RAB3C: variants seen among roughly 807,000 people sequenced by gnomAD.
RAB3C encodes the protein RAB3C, member RAS oncogene family.
Under a neutral mutation model 26.4 loss-of-function variants are expected in RAB3C, and 17 were observed. The observed-to-expected ratio is 0.64, with a 90% confidence interval of 0.44 to 0.97. RAB3C has a LOEUF of 0.97. Among genes scored for constraint, RAB3C ranks in the 50% least tolerant of loss-of-function variants. The probability of loss-of-function intolerance (pLI) is 0.00; values close to 1 mark genes in which losing one functional copy is unlikely to be tolerated. For missense variants in RAB3C, 242 were observed against 281.9 expected (o/e 0.86, Z 1.01); for synonymous variants, 91 against 95.9 (o/e 0.95, Z 0.30).
intron 2 of RAB3C, among the ~76,000 whole-genome samples, chr5:58,677,029 G>A (rs529044037): frequency 9.2e-5 from 14 of 152,198 alleles, no homozygotes; most frequent in African/African-American, 2.9e-4. Context: ...TATCAGGAGC[G>A]TGCTCCCTCT....
intron 2 of RAB3C, among the ~76,000 whole-genome samples, chr5:58,710,245 C>T (rs1210555559): frequency 6.6e-6 from 1 of 151,690 alleles, no homozygotes; most frequent in Admixed American, 6.6e-5. Flanking sequence ...TAAATTGGAC[C>T]CACTTATAAA....
chr5:58,747,677 G>A (rs1412592771), intron 3 of RAB3C, among the ~76,000 whole-genome samples: 1 of 151,634 alleles, frequency 6.6e-6, no homozygotes, highest in Non-Finnish European at 1.5e-5. Context: ...ATACCAGGGC[G>A]CCAAACCACC....
At chr5:58,655,789 C>G (rs939127910) in intron 2 of RAB3C, among the ~76,000 whole-genome samples, 1 of 91,604 alleles carries the variant, frequency 1.1e-5, no homozygotes, top group African/African-American at 4.3e-5. Context: ...AAACCTAACT[C>G]TTTTTTTTTT....
chr5:58,777,055 C>A (rs1742158724), intron 3 of RAB3C, among the ~76,000 whole-genome samples: 1 of 152,096 alleles, frequency 6.6e-6, no homozygotes, highest in East Asian at 1.9e-4. Context: ...CTGAGTCTTC[C>A]AAAATAGAAA....
At chr5:58,651,146 C>A (rs1208024914) in intron 2 of RAB3C, among the ~76,000 whole-genome samples, 2 of 152,138 alleles carry the variant, frequency 1.3e-5, no homozygotes, top group Admixed American at 6.5e-5. Context: ...GCAGGATCAG[C>A]AATAGAAGTA....
At chr5:58,824,906 G>A (rs1275884292) in intron 3 of RAB3C, 132 bp from the exon 4 acceptor site, 4 of 615,708 alleles carry the variant, frequency 6.5e-6, no homozygotes, top group African/African-American at 2.0e-5. Context: ...AACTCTAAAT[G>A]TCAGGCATTT....
intron 2 of RAB3C, among the ~76,000 whole-genome samples, chr5:58,717,740 A>G (rs1357683785): frequency 1.3e-5 from 2 of 152,244 alleles, no homozygotes; most frequent in African/African-American, 2.4e-5. Context: ...GGAAACTCAC[A>G]TAATCTAGCC....
At chr5:58,850,906 A>G (rs1744099954) in intron 4 of RAB3C, among the ~76,000 whole-genome samples, 1 of 152,234 alleles carries the variant, frequency 6.6e-6, no homozygotes, top group Non-Finnish European at 1.5e-5. Flanking sequence ...GATAATGCAA[A>G]TGAATCAACA....
At chr5:58,801,367 C>A (rs1436197043) in intron 3 of RAB3C, among the ~76,000 whole-genome samples, 1 of 152,130 alleles carries the variant, frequency 6.6e-6, no homozygotes, top group African/African-American at 2.4e-5. Flanking sequence ...GCTACTGACA[C>A]GTGGCAGGGT....
intron 2 of RAB3C, among the ~76,000 whole-genome samples, chr5:58,693,361 T>TATAA (rs1748620625): frequency 6.9e-6 from 1 of 144,286 alleles, no homozygotes. Flanking sequence ...TATATATATA[T>TATAA]AAAATTTCTT....
At chr5:58,764,569 T>G (rs996990864) in intron 3 of RAB3C, among the ~76,000 whole-genome samples, 9 of 152,314 alleles carry the variant, frequency 5.9e-5, no homozygotes, top group African/African-American at 2.2e-4. Context: ...TCTCTAACAT[T>G]TAATGTTGAA....
intron 3 of RAB3C, among the ~76,000 whole-genome samples, chr5:58,820,874 T>A (rs901552678): frequency 2.6e-5 from 4 of 152,202 alleles, no homozygotes; most frequent in Non-Finnish European, 5.9e-5. Flanking sequence ...ATGTATAACC[T>A]ATTACAGCAG....
chr5:58,819,924 A>G (rs1330895649), intron 3 of RAB3C, among the ~76,000 whole-genome samples: 1 of 152,204 alleles, frequency 6.6e-6, no homozygotes, highest in African/African-American at 2.4e-5. Flanking sequence ...TATGATCACT[A>G]TGCAGCAAGA....
At chr5:58,704,894 A>T (rs1748914202) in intron 2 of RAB3C, among the ~76,000 whole-genome samples, 1 of 152,192 alleles carries the variant, frequency 6.6e-6, no homozygotes, top group Non-Finnish European at 1.5e-5. Flanking sequence ...CACAATAAGA[A>T]ACTCAAGTTA....
intron 3 of RAB3C, among the ~76,000 whole-genome samples, chr5:58,762,220 GGACAAATC>G (rs1741809754): frequency 6.6e-6 from 1 of 152,118 alleles, no homozygotes. Flanking sequence ...ATTGCAATTT[GGACAAATC>G]ATGGTGCAAA....
chr5:58,631,154 A>C (rs1455105330), intron 2 of RAB3C, among the ~76,000 whole-genome samples: 2 of 152,218 alleles, frequency 1.3e-5, no homozygotes, highest in Non-Finnish European at 2.9e-5. Context: ...AGTGCAAAGG[A>C]CTGGAAAATA....
chr5:58,854,731 G>C lies in RAB3C; in HGVS notation c.*3380G>C, dbSNP rs534909589. Reference sequence around the variant, plus strand: ...AAGTGCTAAGATTTTTACTTGGAAAGAAAACTATGACAATGCCTTCAGTTG... The same window carrying C: ...AAGTGCTAAGATTTTTACTTGGAAACAAAACTATGACAATGCCTTCAGTTG... On this transcript the variant is annotated 3_prime_UTR_variant, in exon 5 of 5. Coordinates refer to ENST00000282878, the MANE Select transcript of RAB3C (RefSeq NM_138453.4). 1 of 152,126 alleles carries C rather than the reference G, an allele frequency of 6.6e-6. No homozygotes were observed. Among genetic ancestry groups the C allele is most frequent in the African/African-American group, 2.4e-5 (1 of 41,434 alleles). The allele number at this position is 152,126 out of a possible 1,614,324, so 9.4% of individuals were successfully genotyped here.
intron 3 of RAB3C, among the ~76,000 whole-genome samples, chr5:58,728,204 A>G (rs982675310): frequency 4.6e-5 from 7 of 152,064 alleles, no homozygotes; most frequent in Non-Finnish European, 1.0e-4. Flanking sequence ...GCACTTATTG[A>G]GCACCTAACT....
intron 2 of RAB3C, among the ~76,000 whole-genome samples, chr5:58,703,098 C>A (rs1314124912): frequency 6.6e-6 from 1 of 152,064 alleles, no homozygotes; most frequent in African/African-American, 2.4e-5. Context: ...GGAATTCTTC[C>A]AAAATTATAC....
Sources: gnomAD v4.1 joint callset for allele counts (sites outside exome capture counted in the v4.1 genomes callset) on GRCh38, gnomAD v4.1.1 for gene constraint, MANE v1.5 for transcripts, NCBI Gene and HGNC (gene_info 2026-07-23, HGNC 2026-07-21) for gene names.